Variants in SEMA5A observed in about 807,000 individuals in gnomAD.
The protein encoded by SEMA5A is semaphorin 5A, also known as semaphorin-5A.
Under a neutral mutation model 135.5 loss-of-function variants are expected in SEMA5A, and 55 were observed. That is an observed-to-expected ratio of 0.41 (90% CI 0.33 to 0.51). The LOEUF (loss-of-function observed/expected upper bound fraction) is 0.51, where lower values mean the gene tolerates loss of function less well. Among genes scored for constraint, SEMA5A ranks in the 20% least tolerant of loss-of-function variants. The pLI is 0.37. For missense variants in SEMA5A, 1,290 were observed against 1,419.9 expected, an observed-to-expected ratio of 0.91 and a Z score of 1.47; for synonymous variants, 580 against 546.5, an observed-to-expected ratio of 1.06 and a Z score of -0.85.
At chr5:9,394,921 A>T (rs1051725085) in intron 2 of SEMA5A, among the ~76,000 whole-genome samples, 1 of 152,186 alleles carries the variant, frequency 6.6e-6, no homozygotes, top group Non-Finnish European at 1.5e-5. Context: ...TTATCTATAG[A>T]TTAAAAATAG....
At chr5:9,514,438 G>C (rs1736394806) in intron 1 of SEMA5A, among the ~76,000 whole-genome samples, 2 of 152,104 alleles carry the variant, frequency 1.3e-5, no homozygotes, top group African/African-American at 4.8e-5. Context: ...CAATCATTTA[G>C]AACTACAGTC....
At chr5:9,499,076 A>G (rs1735452849) in intron 1 of SEMA5A, among the ~76,000 whole-genome samples, 1 of 152,098 alleles carries the variant, frequency 6.6e-6, no homozygotes, top group Non-Finnish European at 1.5e-5. Context: ...TCCTCCTCCT[A>G]CCTTCCATGA....
chr5:9,102,259 T>C (rs1739672322), intron 16 of SEMA5A, among the ~76,000 whole-genome samples: 1 of 152,202 alleles, frequency 6.6e-6, no homozygotes. Context: ...GCTGTCCCAT[T>C]TGAATAAAAG....
chr5:9,461,781 G>A (rs1346240125), intron 1 of SEMA5A, among the ~76,000 whole-genome samples: 2 of 152,196 alleles, frequency 1.3e-5, no homozygotes, highest in Non-Finnish European at 2.9e-5. Context: ...GACAGGCAAC[G>A]ATTCTTTTAT....
intron 12 of SEMA5A, among the ~76,000 whole-genome samples, chr5:9,146,519 A>T (rs1025586275): frequency 6.6e-6 from 1 of 152,232 alleles, no homozygotes; most frequent in South Asian, 2.1e-4. Context: ...ATACAGATAT[A>T]GCTTTAAAAA....
At chr5:9,174,639 T>C (rs892560887) in intron 11 of SEMA5A, among the ~76,000 whole-genome samples, 2 of 152,208 alleles carry the variant, frequency 1.3e-5, no homozygotes, top group South Asian at 2.1e-4. Flanking sequence ...CTGGTCATCA[T>C]TGCCAGGCAG....
intron 11 of SEMA5A, among the ~76,000 whole-genome samples, chr5:9,161,869 T>C (rs113711422): frequency 0.01 from 1,538 of 152,316 alleles, 9 homozygotes; most frequent in Middle Eastern, 0.02. Context: ...AGTAAGATGA[T>C]GGAGGTTCAC....
At chr5:9,052,464 T>C (rs985460330) in intron 19 of SEMA5A, among the ~76,000 whole-genome samples, 2 of 152,172 alleles carry the variant, frequency 1.3e-5, no homozygotes, top group African/African-American at 4.8e-5. Flanking sequence ...ATTCTCCACC[T>C]TCCTCTGTGC....
At chr5:9,093,482 G>A (rs1030656834) in intron 16 of SEMA5A, among the ~76,000 whole-genome samples, 2 of 152,140 alleles carry the variant, frequency 1.3e-5, no homozygotes, top group Non-Finnish European at 2.9e-5. Context: ...GCTGAGGCAG[G>A]TGGCTCACGA....
intron 5 of SEMA5A, among the ~76,000 whole-genome samples, chr5:9,288,478 A>T (rs1750911694): frequency 6.6e-6 from 1 of 152,200 alleles, no homozygotes; most frequent in Non-Finnish European, 1.5e-5. Context: ...GCGAGAGGGC[A>T]CAGGGGCATG....
intron 1 of SEMA5A, among the ~76,000 whole-genome samples, chr5:9,479,617 T>C (rs964255773): frequency 6.6e-6 from 1 of 152,144 alleles, no homozygotes; most frequent in Non-Finnish European, 1.5e-5. Context: ...GAAACGGAAG[T>C]GGTTATTATT....
At chr5:9,330,356 C>G (rs183381019) in intron 4 of SEMA5A, among the ~76,000 whole-genome samples, 1,960 of 150,786 alleles carry the variant, frequency 0.013, 20 homozygotes, top group Non-Finnish European at 0.018. Context: ...CACCACTGCA[C>G]TCCAGCCTGG....
At chr5:9,305,012 T>C (rs12651974) in intron 5 of SEMA5A, among the ~76,000 whole-genome samples, 25,470 of 152,044 alleles carry the variant, frequency 0.17, 2,322 homozygotes, top group East Asian at 0.24. Flanking sequence ...GAAAGATGCC[T>C]TCGGTAACTG....
At position 9,036,715 on chromosome 5, in the gene SEMA5A, C is replaced by T. The variant is rs1005790224; in HGVS notation, c.*6182G>A. 3 of 152,550 alleles carry T rather than the reference C, an allele frequency of 2.0e-5. No homozygotes were observed. Among genetic ancestry groups the T allele is most frequent in the African/African-American group, 7.2e-5 (3 of 41,424 alleles). 9.4% of individuals were successfully genotyped at this position (152,550 alleles called of 1,614,324 possible). On this transcript the variant is annotated 3_prime_UTR_variant, in exon 23 of 23. Transcript: ENST00000382496. ...ATGTGCTTCTTGGTCATTTTCTATTCCTGAGTTCAAAGAGACATAGGAGAA... is the reference window on the plus strand; with the variant it reads ...ATGTGCTTCTTGGTCATTTTCTATTTCTGAGTTCAAAGAGACATAGGAGAA...
chr5:9,061,600 G>A (rs920024278), intron 18 of SEMA5A, among the ~76,000 whole-genome samples: 1 of 152,174 alleles, frequency 6.6e-6, no homozygotes, highest in East Asian at 1.9e-4. Flanking sequence ...CCTGAGCTGC[G>A]GCAGGAGAAA....
intron 3 of SEMA5A, among the ~76,000 whole-genome samples, chr5:9,345,862 A>G (rs1044042640): frequency 1.3e-5 from 2 of 152,218 alleles, no homozygotes; most frequent in African/African-American, 4.8e-5. Context: ...ATATGTATGC[A>G]GTGTATATGT....
At chr5:9,361,337 A>C (rs1156865099) in intron 3 of SEMA5A, among the ~76,000 whole-genome samples, 2 of 152,026 alleles carry the variant, frequency 1.3e-5, no homozygotes, top group African/African-American at 2.4e-5. Flanking sequence ...ACAACAACAA[A>C]AACTCAATTC....
chr5:9,464,944 G>A (rs930665820), intron 1 of SEMA5A, among the ~76,000 whole-genome samples: 6 of 152,150 alleles, frequency 3.9e-5, no homozygotes, highest in Non-Finnish European at 5.9e-5. Flanking sequence ...AAGCGTGTGC[G>A]GACCTGTGGC....
At chr5:9,058,462 T>C (rs1474853221) in intron 18 of SEMA5A, among the ~76,000 whole-genome samples, 1 of 152,174 alleles carries the variant, frequency 6.6e-6, no homozygotes, top group Non-Finnish European at 1.5e-5. Flanking sequence ...CATGGGAAGA[T>C]CAGACAAACA....
Sources: gnomAD v4.1 joint callset for allele counts (sites outside exome capture counted in the v4.1 genomes callset) on GRCh38, gnomAD v4.1.1 for gene constraint, MANE v1.5 for transcripts, NCBI Gene and HGNC (gene_info 2026-07-23, HGNC 2026-07-21) for gene names.